The following HSPA13 variants were observed in gnomAD, a reference collection of about 807,000 sequenced individuals.
HSPA13 encodes heat shock protein family A (Hsp70) member 13.
A neutral mutation model predicts 38.8 loss-of-function variants in HSPA13; 29 were observed. The observed-to-expected ratio is 0.75, with a 90% confidence interval of 0.56 to 1.02. The LOEUF (loss-of-function observed/expected upper bound fraction) is 1.02. Ranked by LOEUF, HSPA13 falls within the 50% of genes least tolerant of loss-of-function variation. HSPA13 has a pLI of 0.00. For synonymous variants in HSPA13, 192 were observed against 205.3 expected (o/e 0.94, Z 0.56); for missense variants, 451 against 560.9 (o/e 0.80, Z 1.98).
In HSPA13 at chr21:14,373,627, T is replaced by C. The variant is rs768956074; in HGVS notation, c.1406A>G (p.Asn469Ser). The change falls in exon 5 of 5, where the codon AAC becomes AGC. Residue 469 changes from asparagine (N) to serine (S), a missense_variant. Physicochemically the swap from Asn to Ser is conservative, Grantham distance 46 (BLOSUM62 1). Transcript: ENST00000285667. ...TTATTTCTGCAGAATTCAGTTGAAG[T>C]TGGTTTTTTGTAAATGCTTATTGGG... ...EIPNKHLQKTNFN is the reference protein window; with the variant it reads ...EIPNKHLQKTSFN 3.4e-5 allele frequency: 54 copies of C among 1,607,514 alleles called. 1 individual carries two copies. In the Admixed American group the frequency reaches 7.1e-4, roughly 21 times the overall value.
chr21:14,381,514 C>T lies in HSPA13; in HGVS notation c.55G>A (p.Gly19Ser), dbSNP rs766518458. Residue 19 changes from glycine (G) to serine (S), a missense_variant, in exon 2 of 5, where the codon GGC becomes AGC. Transcript: ENST00000285667. ...GGTAAATACTGTTGTGCCAAATAGC[C>T]GGCCAACAGGAGAGTCAAAACAGCC... Reference protein sequence around the residue: ...GSAVLTLLLAGYLAQQYLPLP... With the variant: ...GSAVLTLLLASYLAQQYLPLP... 1.3e-5 allele frequency: 21 copies of T among 1,597,150 alleles called. No individual in the cohort carries two copies. The highest frequency in any genetic ancestry group is 3.4e-5 in the Admixed American group (2 of 59,626).
chr21:14,381,143 C>A, intron 2 of HSPA13, 60 bp downstream of exon 2: 1 of 1,260,646 alleles, frequency 7.9e-7, no homozygotes, highest in African/African-American at 1.5e-5. Flanking sequence ...TGACATGAAG[C>A]CAAAGCATTA....
intron 2 of HSPA13, 115 bp from the exon 3 acceptor site, chr21:14,378,527 A>G (rs1393538128): frequency 3.0e-6 from 2 of 664,370 alleles, no homozygotes; most frequent in South Asian, 2.0e-5. Flanking sequence ...TACAAAATCA[A>G]AAAATGCATT....
At position 14,371,696 on chromosome 21, in the gene HSPA13, C is replaced by T. The variant is rs928022570; in HGVS notation, c.*1921G>A. 1.3e-5 allele frequency: 2 copies of T among 152,016 alleles called. No individual in the cohort carries two copies. The highest frequency in any genetic ancestry group is 4.8e-5 in the African/African-American group (2 of 41,410). The allele number at this position is 152,016 out of a possible 1,614,324, so 9.4% of individuals were successfully genotyped here. On this transcript the variant is annotated 3_prime_UTR_variant, in exon 5 of 5. Transcript: ENST00000285667. ...GCCTGCCCTATTTTGTCAATTGTTT[C>T]CAAAAGCATTAACGGATTAAGAGAC... is the stretch of plus-strand genomic sequence containing the variant.
intron 2 of HSPA13, among the ~76,000 whole-genome samples, chr21:14,379,120 TGAAA>T (rs1484673629): frequency 1.3e-5 from 2 of 152,196 alleles, no homozygotes; most frequent in African/African-American, 2.4e-5. Context: ...AATGGATAGC[TGAAA>T]GAATTTTCTA....
intron 3 of HSPA13, among the ~76,000 whole-genome samples, chr21:14,376,419 T>TA (rs914856140): frequency 4.2e-4 from 63 of 150,876 alleles, no homozygotes; most frequent in African/African-American, 8.5e-4. Flanking sequence ...TCTCAAAAAA[T>TA]AAAAAAAAAT....
chr21:14,375,013 C>A (rs1983984460), intron 4 of HSPA13, among the ~76,000 whole-genome samples: 2 of 152,044 alleles, frequency 1.3e-5, no homozygotes, highest in Admixed American at 1.3e-4. Context: ...CTGTAACTTA[C>A]AACTCAACGT....
intron 3 of HSPA13, among the ~76,000 whole-genome samples, chr21:14,376,391 C>A (rs1463881816): frequency 6.6e-6 from 1 of 151,930 alleles, no homozygotes; most frequent in Admixed American, 6.5e-5. Flanking sequence ...CCAGCCTGGG[C>A]AGCAGAGTGA....
intron 3 of HSPA13, among the ~76,000 whole-genome samples, chr21:14,376,183 G>A (rs1326224201): frequency 6.6e-6 from 1 of 152,162 alleles, no homozygotes; most frequent in African/African-American, 2.4e-5. Context: ...ATGCCGAGGT[G>A]GGCGGATCAC....
rs1165341297 is a variant in HSPA13 at position 14,371,195 on chromosome 21, ATC to A, written c.*2420_*2421del. 1 of 152,624 alleles carries A rather than the reference ATC, an allele frequency of 6.6e-6. No individual in the cohort carries two copies. Among genetic ancestry groups the A allele is most frequent in the Non-Finnish European group, 1.5e-5 (1 of 68,014 alleles). The allele number at this position is 152,624 out of a possible 1,614,324, so 9.5% of individuals were successfully genotyped here. ...TATACACACAAATATAAGAGGAACA[ATC>A]TGTTATGCACAATAACTGTAATATT... is the stretch of plus-strand genomic sequence containing the variant. On this transcript the variant is annotated 3_prime_UTR_variant, in exon 5 of 5. Transcript: ENST00000285667.
At position 14,373,782 on chromosome 21, in the gene HSPA13, G is replaced by A; in HGVS notation, c.1251C>T (p.Val417=). The A allele has an allele frequency of 6.2e-7, 1 of 1,614,132 alleles. No individual in the cohort carries two copies. The highest frequency in any genetic ancestry group is 8.5e-7 in the Non-Finnish European group (1 of 1,180,018). Residue 417 remains valine (V), a synonymous_variant, in exon 5 of 5, where the codon GTC becomes GTT. Transcript: ENST00000285667. ...GSTRIPRIRQ[V]IQEFFGKDPN... ...GATCTTTTCCAAAGAACTCTTGAAT[G>A]ACTTGACGGATCCGAGGAATACGAG... is the stretch of plus-strand genomic sequence containing the variant.
Position 14,374,059 on chromosome 21 carries a change from T to C in HSPA13, c.974A>G (p.Asp325Gly). The C allele has an allele frequency of 3.1e-6, 5 of 1,614,232 alleles. No individual in the cohort carries two copies. The highest frequency in any genetic ancestry group is 4.2e-6 in the Non-Finnish European group (5 of 1,180,036). Residue 325 changes from aspartate (D) to glycine (G), a missense_variant, in exon 5 of 5, where the codon GAC (aspartate) becomes GGC (glycine). Asp to Gly is a moderately conservative substitution (Grantham distance 94). Coordinates refer to ENST00000285667, the MANE Select transcript of HSPA13 (RefSeq NM_006948.5). ...AAGTTTGTCTTTTGGCAGTTCAGTG[T>C]CACTACTGTGAGGTTCCTTCCTGTC... ...EQDRKEPHSS[D>G]TELPKDKLSS...
At position 14,374,230 on chromosome 21, in the gene HSPA13, T is replaced by C. The variant is rs758709914; in HGVS notation, c.803A>G (p.Tyr268Cys). 2.7e-5 allele frequency: 44 copies of C among 1,612,392 alleles called. No homozygotes were observed. Among genetic ancestry groups the C allele is most frequent in the South Asian group, 7.7e-5 (7 of 91,092 alleles). Residue 268 changes from tyrosine (Y) to cysteine (C), a missense_variant, in exon 5 of 5, where the codon TAT becomes TGT. Tyr to Cys is a radical substitution (Grantham distance 194). Transcript: ENST00000285667. ...DFNQRLLQYLYKQIYQTYGFV... is the reference protein window; with the variant it reads ...DFNQRLLQYLCKQIYQTYGFV... ...GCCATATGTTTGATAGATCTGTTTA[T>C]ATAAGTACTGAAGCAATCTCTGATT...
At chr21:14,381,708 T>C (rs922921265) in intron 1 of HSPA13, among the ~76,000 whole-genome samples, 165 bp from the exon 2 acceptor site, 1 of 152,134 alleles carries the variant, frequency 6.6e-6, no homozygotes, top group African/African-American at 2.4e-5. Flanking sequence ...GACAGCAAGT[T>C]TTTCAAAATG....
At position 14,373,501 on chromosome 21, in the gene HSPA13, T is replaced by C. The variant is rs1018484308; in HGVS notation, c.*116A>G. The C allele has an allele frequency of 1.2e-6, 1 of 862,914 alleles. No individual in the cohort carries two copies. Among genetic ancestry groups the C allele is most frequent in the Non-Finnish European group, 1.7e-6 (1 of 574,944 alleles). 53.5% of individuals were successfully genotyped at this position (862,914 alleles called of 1,614,324 possible). On this transcript the variant is annotated 3_prime_UTR_variant, in exon 5 of 5. Coordinates refer to ENST00000285667, the MANE Select transcript of HSPA13 (RefSeq NM_006948.5). ...TGTAAAATTTTCCTGTATCTAAATG[T>C]TGCCCTCTAGGTAAATCTGTGATAT... is the stretch of plus-strand genomic sequence containing the variant.
chr21:14,375,898 G>A, intron 3 of HSPA13, 79 bp from the exon 4 acceptor site: 1 of 1,180,410 alleles, frequency 8.5e-7, no homozygotes, highest in South Asian at 1.4e-5. Flanking sequence ...GCATGTTTGT[G>A]TCTTCTGTGA....
chr21:14,378,828 C>T (rs1984098376), intron 2 of HSPA13, among the ~76,000 whole-genome samples: 1 of 151,808 alleles, frequency 6.6e-6, no homozygotes, highest in Non-Finnish European at 1.5e-5. Context: ...CTATGTTGGC[C>T]AGGTTGGTCT....
chr21:14,380,200 G>A (rs1041406958), intron 2 of HSPA13, among the ~76,000 whole-genome samples: 11 of 151,044 alleles, frequency 7.3e-5, no homozygotes, highest in African/African-American at 2.7e-4. Flanking sequence ...GATAGGATGG[G>A]ATAGGCTACA....
In HSPA13 at chr21:14,371,939, A is replaced by G. The variant is rs962348565; in HGVS notation, c.*1678T>C. ...AAGGATTCATCTTTGGCATTTCTCC[A>G]TTCATTCTAAAATAAGATACTTCAA... On this transcript the variant is annotated 3_prime_UTR_variant, in exon 5 of 5. Coordinates refer to ENST00000285667, the MANE Select transcript of HSPA13 (RefSeq NM_006948.5). 1 of 152,560 alleles carries G rather than the reference A, an allele frequency of 6.6e-6. No individual in the cohort carries two copies. The highest frequency in any genetic ancestry group is 2.4e-5 in the African/African-American group (1 of 41,460). The allele number at this position is 152,560 out of a possible 1,614,324, so 9.5% of individuals were successfully genotyped here. A position where few individuals can be genotyped will look rare whatever the true frequency, so the allele number is the denominator to read the frequency against.
Sources: gnomAD v4.1 joint callset for allele counts (sites outside exome capture counted in the v4.1 genomes callset) on GRCh38, gnomAD v4.1.1 for gene constraint, MANE v1.5 for transcripts, NCBI Gene and HGNC (gene_info 2026-07-23, HGNC 2026-07-21) for gene names.